The following LHFPL6 variants were observed in gnomAD, a reference collection of about 807,000 sequenced individuals.
The protein encoded by LHFPL6 is LHFPL tetraspan subfamily member 6 protein.
LHFPL6 carries 9 observed loss-of-function variants against 20.6 expected under a neutral mutation model. The ratio of observed to expected loss-of-function variants is 0.44; its 90% CI spans 0.26 to 0.76. The LOEUF (loss-of-function observed/expected upper bound fraction) is 0.76, where lower values mean the gene tolerates loss of function less well. LHFPL6 is among the 30% of genes least tolerant of loss of function. The pLI is 0.20. For synonymous variants in LHFPL6, 105 were observed against 98.7 expected (o/e 1.06, Z -0.38); for missense variants, 218 against 253.5 (o/e 0.86, Z 0.95).
intron 2 of LHFPL6, among the ~76,000 whole-genome samples, chr13:39,545,401 C>T (rs1454222809): frequency 6.6e-6 from 1 of 152,104 alleles, no homozygotes; most frequent in African/African-American, 2.4e-5. Context: ...ATCACTTTTA[C>T]ACCCTTGAAT....
At chr13:39,542,228 G>A (rs1445265322) in intron 2 of LHFPL6, among the ~76,000 whole-genome samples, 1 of 151,904 alleles carries the variant, frequency 6.6e-6, no homozygotes, top group Non-Finnish European at 1.5e-5. Flanking sequence ...ACAATATTCT[G>A]TATCTTCACC....
intron 2 of LHFPL6, among the ~76,000 whole-genome samples, chr13:39,552,409 T>C (rs1163791126): frequency 6.6e-6 from 1 of 152,030 alleles, no homozygotes; most frequent in Non-Finnish European, 1.5e-5. Context: ...TGTTGGACAG[T>C]GACAGTGACA....
At chr13:39,387,674 T>G (rs561642877) in intron 2 of LHFPL6, among the ~76,000 whole-genome samples, 1 of 150,944 alleles carries the variant, frequency 6.6e-6, no homozygotes, top group African/African-American at 2.4e-5. Flanking sequence ...GGGACAAACA[T>G]CCAGGTTGAG....
chr13:39,553,725 A>G (rs541714372), intron 2 of LHFPL6, among the ~76,000 whole-genome samples: 1 of 151,864 alleles, frequency 6.6e-6, no homozygotes, highest in East Asian at 1.9e-4. Context: ...AAATAATAAA[A>G]TAAATAAAAA....
chr13:39,522,061 G>A (rs1253016024), intron 2 of LHFPL6, among the ~76,000 whole-genome samples: 4 of 151,978 alleles, frequency 2.6e-5, no homozygotes, highest in African/African-American at 7.3e-5. Flanking sequence ...AATCCACTAT[G>A]TGCACTACCC....
chr13:39,514,001 C>T (rs1259766143), intron 2 of LHFPL6, among the ~76,000 whole-genome samples: 2 of 152,130 alleles, frequency 1.3e-5, no homozygotes, highest in Non-Finnish European at 2.9e-5. Flanking sequence ...AACAATTATT[C>T]CTAATCCCTG....
rs370764626 is a variant in LHFPL6 at position 39,404,833 on chromosome 13, A to T, written c.386-26307T>A. ...ACCTAGACTGTTTTATTATCACAGC[A>T]TCTAAGCATCTGGTACGGTACCTGG... On this transcript the variant is annotated intron_variant, in intron 2 of 3. Transcript: ENST00000379589. 2.3e-3 allele frequency among the ~76,000 whole-genome samples: 355 copies of T among 152,306 alleles called. 1 individual carries two copies. The highest frequency in any genetic ancestry group is 8.7e-3 in the South Asian group (42 of 4,820).
At chr13:39,466,576 A>T (rs1470401211) in intron 2 of LHFPL6, among the ~76,000 whole-genome samples, 1 of 152,244 alleles carries the variant, frequency 6.6e-6, no homozygotes, top group East Asian at 1.9e-4. Flanking sequence ...CCCTGGCTTT[A>T]GAATCAGATG....
At chr13:39,460,862 G>C (rs943567) in intron 2 of LHFPL6, among the ~76,000 whole-genome samples, 8,604 of 152,158 alleles carry the variant, frequency 0.057, 375 homozygotes, top group East Asian at 0.19. Flanking sequence ...GGTTCAGGGG[G>C]TGCATGTGCA....
intron 3 of LHFPL6, among the ~76,000 whole-genome samples, chr13:39,366,678 C>T (rs536027196): frequency 6.6e-6 from 1 of 152,318 alleles, no homozygotes; most frequent in Admixed American, 6.5e-5. Flanking sequence ...AGACAAAGGA[C>T]TGTATTACTC....
intron 2 of LHFPL6, among the ~76,000 whole-genome samples, chr13:39,479,118 C>CATCTATCTATCT (rs71077302): frequency 0.011 from 1,394 of 121,602 alleles, 12 homozygotes; most frequent in African/African-American, 0.016. Flanking sequence ...TCTATCCATC[C>CATCTATCTATCT]ATCTATCTAT....
At chr13:39,487,063 T>C (rs1868750939) in intron 2 of LHFPL6, among the ~76,000 whole-genome samples, 1 of 152,210 alleles carries the variant, frequency 6.6e-6, no homozygotes, top group Admixed American at 6.5e-5. Flanking sequence ...TTTGACTCAC[T>C]GATAAATGAA....
chr13:39,594,354 A>T (rs143983178), intron 2 of LHFPL6, among the ~76,000 whole-genome samples: 356 of 152,352 alleles, frequency 2.3e-3, no homozygotes, highest in Non-Finnish European at 4.3e-3. Context: ...CAGCCAAAAA[A>T]CACAAGGAAA....
At chr13:39,470,718 T>C (rs1872922305) in intron 2 of LHFPL6, among the ~76,000 whole-genome samples, 1 of 152,160 alleles carries the variant, frequency 6.6e-6, no homozygotes, top group South Asian at 2.1e-4. Flanking sequence ...TGATTCTTGG[T>C]CCAACAAATT....
chr13:39,427,138 G>A (rs990385144), intron 2 of LHFPL6, among the ~76,000 whole-genome samples: 1 of 149,770 alleles, frequency 6.7e-6, no homozygotes, highest in African/African-American at 2.4e-5. Flanking sequence ...AAGTGATTTT[G>A]TATCCTGAAG....
chr13:39,380,347 G>A (rs540757880), intron 2 of LHFPL6, among the ~76,000 whole-genome samples: 3 of 152,194 alleles, frequency 2.0e-5, no homozygotes, highest in South Asian at 2.1e-4. Flanking sequence ...CCCAACCCCC[G>A]AGCCATGAAC....
intron 3 of LHFPL6, among the ~76,000 whole-genome samples, chr13:39,367,855 AC>A: frequency 6.6e-6 from 1 of 152,348 alleles, no homozygotes; most frequent in East Asian, 1.9e-4. Context: ...ATCAAAGGTT[AC>A]CATAACATTT....
chr13:39,379,734 A>G (rs1870389419), intron 2 of LHFPL6, among the ~76,000 whole-genome samples: 1 of 152,124 alleles, frequency 6.6e-6, no homozygotes, highest in African/African-American at 2.4e-5. Context: ...TACCCTGAGG[A>G]AAGGCCTCCC....
chr13:39,357,153 C>G (rs1421255699), intron 3 of LHFPL6, among the ~76,000 whole-genome samples: 1 of 152,090 alleles, frequency 6.6e-6, no homozygotes, highest in Non-Finnish European at 1.5e-5. Flanking sequence ...GCCTGGGCAA[C>G]AGAGCCACAG....
Sources: allele counts gnomAD v4.1 joint callset (sites outside exome capture counted in the v4.1 genomes callset), GRCh38; gene constraint gnomAD v4.1.1; transcripts MANE v1.5; gene names NCBI Gene and HGNC (gene_info 2026-07-23, HGNC 2026-07-21).